ELMO1: variants seen among roughly 807,000 people sequenced by gnomAD.
ELMO1 encodes engulfment and cell motility 1.
In ELMO1, 26 loss-of-function variants were observed where a neutral mutation model predicts 98.9. The ratio of observed to expected loss-of-function variants is 0.26; its 90% CI spans 0.19 to 0.36. ELMO1 has a LOEUF of 0.36. ELMO1 is among the 10% of genes least tolerant of loss of function. ELMO1 has a pLI of 1.00. For synonymous variants in ELMO1, 346 were observed against 346.0 expected (o/e 1.00, Z 0.00); for missense variants, 627 against 935.2 (o/e 0.67, Z 4.30).
At chr7:37,174,501 C>T (rs1438031461) in intron 13 of ELMO1, among the ~76,000 whole-genome samples, 1 of 152,212 alleles carries the variant, frequency 6.6e-6, no homozygotes, top group Non-Finnish European at 1.5e-5. Flanking sequence ...CTCCTGGACA[C>T]ATCAGCATGA....
chr7:37,424,977 A>G (rs1386370709), intron 1 of ELMO1, among the ~76,000 whole-genome samples: 1 of 152,182 alleles, frequency 6.6e-6, no homozygotes, highest in African/African-American at 2.4e-5. Flanking sequence ...TCACTGCCTC[A>G]TACTAGAAAC....
chr7:37,317,780 T>C (rs906401263), intron 2 of ELMO1, among the ~76,000 whole-genome samples: 5 of 152,202 alleles, frequency 3.3e-5, no homozygotes, highest in African/African-American at 9.6e-5. Context: ...AGGGTGACTA[T>C]AGTCAATAAT....
intron 19 of ELMO1, 84 bp downstream of exon 19, chr7:36,877,926 T>A: frequency 1.9e-6 from 2 of 1,058,722 alleles, no homozygotes; most frequent in Admixed American, 3.9e-5. Flanking sequence ...TTACTTAGGC[T>A]GATAGTTCTG....
intron 13 of ELMO1, among the ~76,000 whole-genome samples, chr7:37,198,585 G>A (rs966124296): frequency 7.9e-5 from 12 of 152,200 alleles, no homozygotes; most frequent in Admixed American, 2.0e-4. Context: ...CAGGCAGTCT[G>A]GCACCAAAGG....
intron 15 of ELMO1, among the ~76,000 whole-genome samples, chr7:37,089,746 A>G (rs1468848961): frequency 6.6e-6 from 1 of 152,230 alleles, no homozygotes; most frequent in African/African-American, 2.4e-5. Flanking sequence ...CTGCATCAGT[A>G]AGGACACTGC....
intron 15 of ELMO1, among the ~76,000 whole-genome samples, chr7:37,095,289 C>T (rs1011624307): frequency 1.6e-4 from 24 of 152,342 alleles, no homozygotes; most frequent in African/African-American, 5.8e-4. Context: ...TCACAGTTAT[C>T]AGACAGAGGA....
intron 1 of ELMO1, among the ~76,000 whole-genome samples, chr7:37,378,132 G>C (rs964660759): frequency 6.6e-6 from 1 of 152,200 alleles, no homozygotes; most frequent in African/African-American, 2.4e-5. Context: ...GGTCCCTATG[G>C]ATGGGTTGGT....
In ELMO1 at chr7:36,854,141, G is replaced by A. The variant is rs75899016; in HGVS notation, c.*1410C>T. 9.7e-3 allele frequency among the ~76,000 whole-genome samples: 1,474 copies of A among 152,258 alleles called. 13 individuals carry two copies. Among genetic ancestry groups the A allele is most frequent in the East Asian group, 0.042 (218 of 5,186 alleles). On this transcript the variant is annotated 3_prime_UTR_variant, in exon 22 of 22. Transcript: ENST00000310758. Reference sequence around the variant, plus strand: ...TCAGTGAGTCGAGATGGTCTTCTTAGAAGTAACATTCTCCACTGATGCTCA... The same window carrying A: ...TCAGTGAGTCGAGATGGTCTTCTTAAAAGTAACATTCTCCACTGATGCTCA...
intron 15 of ELMO1, among the ~76,000 whole-genome samples, chr7:37,036,072 G>A (rs1291614558): frequency 6.6e-6 from 1 of 152,156 alleles, no homozygotes; most frequent in Admixed American, 6.5e-5. Context: ...TTATGGTAGT[G>A]AATGATAAAA....
chr7:36,876,593 G>C (rs1399465722), intron 19 of ELMO1, among the ~76,000 whole-genome samples: 2 of 152,136 alleles, frequency 1.3e-5, no homozygotes, highest in Non-Finnish European at 2.9e-5. Flanking sequence ...GATTTAGCAG[G>C]GCTGGGAATG....
chr7:37,077,214 G>A (rs1310615800), intron 15 of ELMO1, among the ~76,000 whole-genome samples: 1 of 152,234 alleles, frequency 6.6e-6, no homozygotes, highest in Non-Finnish European at 1.5e-5. Flanking sequence ...ATGCAAATAT[G>A]CAATTCAATA....
intron 2 of ELMO1, among the ~76,000 whole-genome samples, chr7:37,316,897 G>A (rs1380731945): frequency 4.9e-5 from 7 of 143,904 alleles, no homozygotes; most frequent in Middle Eastern, 6.9e-3. Context: ...TGGTATCTGC[G>A]AAGAGATTCT....
chr7:37,022,470 T>A (rs1283114078), intron 15 of ELMO1, among the ~76,000 whole-genome samples: 1 of 152,110 alleles, frequency 6.6e-6, no homozygotes, highest in Non-Finnish European at 1.5e-5. Flanking sequence ...AATGAACACA[T>A]GAAAAGGAGC....
At position 37,061,064 on chromosome 7, in the gene ELMO1, G is replaced by A. The variant is rs193145248; in HGVS notation, c.1300+35555C>T. Among the ~76,000 whole-genome samples, 1,086 of 152,268 alleles carry A rather than the reference G, an allele frequency of 7.1e-3. 26 individuals are homozygous for A. The highest frequency in any genetic ancestry group is 0.046 in the Admixed American group (708 of 15,294). On this transcript the variant is annotated intron_variant, in intron 15 of 21. Coordinates refer to ENST00000310758, the MANE Select transcript of ELMO1 (RefSeq NM_014800.11). ...AAGATGATACCTGTCACAACCTTAG[G>A]TTTGCTTTGGCATAAACTGTTTTAC...
At position 37,315,856 on chromosome 7, in the gene ELMO1, A is replaced by C; in HGVS notation, c.119+64T>G. On this transcript the variant is annotated intron_variant, in intron 3 of 21. Transcript: ENST00000310758. ...ATAATATTTTACTATCCTACTGGAA[A>C]TATATTATTTGCTTGTCAATTTATC... 4.3e-6 allele frequency: 6 copies of C among 1,384,888 alleles called. No individual in the cohort carries two copies. In the South Asian group the frequency reaches 7.4e-5, roughly 17 times the overall value. 85.8% of individuals were successfully genotyped at this position (1,384,888 alleles called of 1,614,324 possible).
intron 4 of ELMO1, among the ~76,000 whole-genome samples, chr7:37,308,695 T>C (rs947583960): frequency 5.9e-5 from 9 of 152,188 alleles, no homozygotes; most frequent in African/African-American, 1.2e-4. Context: ...GTCTCCTCTA[T>C]TGGATGTGTT....
At chr7:37,446,949 T>C (rs1324294558) in intron 1 of ELMO1, among the ~76,000 whole-genome samples, 1 of 151,944 alleles carries the variant, frequency 6.6e-6, no homozygotes, top group East Asian at 1.9e-4. Flanking sequence ...ATAAGAAAAA[T>C]TAAAAATATG....
At chr7:36,994,692 C>T (rs928657900) in intron 16 of ELMO1, among the ~76,000 whole-genome samples, 1 of 152,224 alleles carries the variant, frequency 6.6e-6, no homozygotes, top group South Asian at 2.1e-4. Flanking sequence ...TGAACACTAC[C>T]CCTTTCAGAA....
chr7:36,925,569 C>T (rs991462829), intron 16 of ELMO1, among the ~76,000 whole-genome samples: 1 of 152,210 alleles, frequency 6.6e-6, no homozygotes, highest in Non-Finnish European at 1.5e-5. Context: ...GCCCCCAACC[C>T]GTTTCAATTT....
Sources: gnomAD v4.1 joint callset for allele counts (sites outside exome capture counted in the v4.1 genomes callset) on GRCh38, gnomAD v4.1.1 for gene constraint, MANE v1.5 for transcripts, NCBI Gene and HGNC (gene_info 2026-07-23, HGNC 2026-07-21) for gene names.